The following SORCS1 variants were observed in gnomAD, a reference collection of about 807,000 sequenced individuals.
The protein encoded by SORCS1 is sortilin related VPS10 domain containing receptor 1.
Under a neutral mutation model 146.1 loss-of-function variants are expected in SORCS1, and 60 were observed. That is an observed-to-expected ratio of 0.41 (90% confidence interval 0.33 to 0.51). SORCS1 has a LOEUF of 0.51. SORCS1 is among the 20% of genes least tolerant of loss of function. The pLI is 0.21. For synonymous variants in SORCS1, 637 were observed against 584.0 expected, an observed-to-expected ratio of 1.09 and a Z score of -1.31; for missense variants, 1,352 against 1,487.6, an observed-to-expected ratio of 0.91 and a Z score of 1.50.
chr10:106,628,297 T>C (rs112147733), intron 19 of SORCS1, among the ~76,000 whole-genome samples: 46 of 152,222 alleles, frequency 3.0e-4, no homozygotes, highest in Non-Finnish European at 5.4e-4. Context: ...AATGTTCTAA[T>C]TGATACTTTC....
At chr10:106,909,112 C>T (rs1952032624) in intron 2 of SORCS1, among the ~76,000 whole-genome samples, 1 of 152,202 alleles carries the variant, frequency 6.6e-6, no homozygotes, top group African/African-American at 2.4e-5. Flanking sequence ...CCTTCTCCTT[C>T]ACTGGGTGTG....
intron 8 of SORCS1, 64 bp from the exon 9 acceptor site, chr10:106,699,457 C>A (rs1853966477): frequency 2.8e-6 from 4 of 1,442,218 alleles, no homozygotes; most frequent in Non-Finnish European, 3.7e-6. Context: ...TGGCAGGCAT[C>A]CAAAGAGTGT....
At chr10:106,585,729 A>G (rs1845192722) in intron 24 of SORCS1, among the ~76,000 whole-genome samples, 1 of 152,220 alleles carries the variant, frequency 6.6e-6, no homozygotes, top group Non-Finnish European at 1.5e-5. Flanking sequence ...ATGCAATGGA[A>G]GCAATGGTGT....
At chr10:107,039,765 G>T (rs10884404) in intron 1 of SORCS1, among the ~76,000 whole-genome samples, 39,090 of 152,026 alleles carry the variant, frequency 0.26, 5,348 homozygotes, top group Middle Eastern at 0.43. Flanking sequence ...CACAATAACC[G>T]AAGGTTAAAT....
intron 6 of SORCS1, among the ~76,000 whole-genome samples, chr10:106,712,574 G>A (rs1428107828): frequency 6.6e-6 from 1 of 152,140 alleles, no homozygotes; most frequent in African/African-American, 2.4e-5. Context: ...ATTAAAGGAG[G>A]ATGCCAATAT....
intron 3 of SORCS1, among the ~76,000 whole-genome samples, chr10:106,782,498 C>T (rs1007900772): frequency 2.6e-5 from 4 of 152,156 alleles, no homozygotes; most frequent in Non-Finnish European, 5.9e-5. Context: ...GGAGACCCAA[C>T]CCATTAATTA....
intron 1 of SORCS1, among the ~76,000 whole-genome samples, chr10:107,041,549 A>G (rs1044896436): frequency 2.0e-5 from 3 of 152,172 alleles, no homozygotes; most frequent in African/African-American, 7.2e-5. Context: ...AGTCAGTTTT[A>G]GTCCCACATG....
intron 8 of SORCS1, among the ~76,000 whole-genome samples, chr10:106,704,281 T>C (rs1442796537): frequency 6.6e-6 from 1 of 152,202 alleles, no homozygotes; most frequent in Non-Finnish European, 1.5e-5. Flanking sequence ...AAGCTATTAA[T>C]TTACTAAGAA....
chr10:106,651,006 C>T lies in SORCS1; in HGVS notation c.2475+1376G>A, dbSNP rs189526077. 2.3e-3 allele frequency among the ~76,000 whole-genome samples: 348 copies of T among 152,230 alleles called. 5 individuals carry two copies. The highest frequency in any genetic ancestry group is 8.1e-3 in the African/African-American group (337 of 41,540). On this transcript the variant is annotated intron_variant, in intron 18 of 25. Coordinates refer to ENST00000263054, the MANE Select transcript of SORCS1 (RefSeq NM_052918.5). ...TTATTTATGTGAAATATGAGCAACTCCAATTTGCCTAAATTGGCCTGTGTT... is the reference window on the plus strand; with the variant it reads ...TTATTTATGTGAAATATGAGCAACTTCAATTTGCCTAAATTGGCCTGTGTT...
intron 1 of SORCS1, among the ~76,000 whole-genome samples, chr10:106,976,670 T>C (rs1243309053): frequency 1.3e-5 from 2 of 152,058 alleles, no homozygotes; most frequent in East Asian, 1.9e-4. Context: ...CATTAGGTAT[T>C]TGTCCTAATG....
At chr10:106,875,792 T>C (rs1950570272) in intron 2 of SORCS1, among the ~76,000 whole-genome samples, 1 of 152,194 alleles carries the variant, frequency 6.6e-6, no homozygotes, top group Admixed American at 6.5e-5. Context: ...GCCCACTTTT[T>C]GATGGTATTA....
intron 2 of SORCS1, among the ~76,000 whole-genome samples, chr10:106,857,155 G>GAGAA (rs1356269309): frequency 3.3e-5 from 5 of 152,164 alleles, no homozygotes; most frequent in African/African-American, 1.2e-4. Flanking sequence ...GGACAGTGCT[G>GAGAA]GCACAATCAG....
chr10:106,972,853 A>G (rs11592355), intron 1 of SORCS1, among the ~76,000 whole-genome samples: 220 of 152,280 alleles, frequency 1.4e-3, no homozygotes, highest in Non-Finnish European at 2.6e-3. Flanking sequence ...ATTCTATAGC[A>G]ATGGGGAGAT....
rs554819565 is a variant in SORCS1, at chr10:107,038,485, A to G, written c.559-81905T>C. 5.1e-4 allele frequency among the ~76,000 whole-genome samples: 77 copies of G among 152,200 alleles called. No homozygotes were observed. The Middle Eastern group carries it at 0.027, about 54-fold the overall frequency. On this transcript the variant is annotated intron_variant, in intron 1 of 25. Transcript: ENST00000263054. ...CAGCACACCAACATGGCACATGTAT[A>G]CATATGTAACAAACCTGCACATTGT...
Position 106,611,999 on chromosome 10 carries a change from G to A in SORCS1, c.2945C>T (p.Ser982Phe). ...GTAGTCATCCAGGTTTGGAGAAAAG[G>A]ACAAGCGAAGAGACCGGAATTCCTC... Reference protein sequence around the residue: ...VYEEFRSLRLSFSPNLDDYNP... With the variant: ...VYEEFRSLRLFFSPNLDDYNP... Residue 982 changes from serine (S) to phenylalanine (F), a missense_variant, in exon 22 of 26, where the codon TCC becomes TTC. Ser to Phe is a radical substitution (Grantham distance 155). Around this residue, in one of 3 missense-constraint regions of SORCS1, gnomAD observed 648 missense variants for 793.8 expected, o/e 0.82. Coordinates refer to ENST00000263054, the MANE Select transcript of SORCS1 (RefSeq NM_052918.5). The A allele has an allele frequency of 6.2e-7, 1 of 1,614,080 alleles. No individual in the cohort carries two copies. The highest frequency in any genetic ancestry group is 8.5e-7 in the Non-Finnish European group (1 of 1,179,958).
At chr10:106,726,631 C>T (rs951682983) in intron 6 of SORCS1, among the ~76,000 whole-genome samples, 5 of 152,164 alleles carry the variant, frequency 3.3e-5, no homozygotes, top group African/African-American at 9.6e-5. Context: ...ATGAAAGCAA[C>T]CCGGGATGCT....
intron 3 of SORCS1, among the ~76,000 whole-genome samples, chr10:106,780,364 G>A (rs1488219339): frequency 6.6e-6 from 1 of 152,176 alleles, no homozygotes; most frequent in Non-Finnish European, 1.5e-5. Flanking sequence ...AACAAATAAT[G>A]TTTTGTTGTG....
intron 1 of SORCS1, among the ~76,000 whole-genome samples, chr10:107,161,866 T>C (rs1406639853): frequency 6.6e-6 from 1 of 152,198 alleles, no homozygotes; most frequent in Non-Finnish European, 1.5e-5. Context: ...GAAACACCTT[T>C]GTGTGTGATG....
intron 1 of SORCS1, among the ~76,000 whole-genome samples, chr10:107,010,374 G>A (rs1957645491): frequency 6.6e-6 from 1 of 152,154 alleles, no homozygotes; most frequent in Non-Finnish European, 1.5e-5. Flanking sequence ...TCCCAGCCAT[G>A]CTTAATCATG....
Sources: gnomAD v4.1 joint callset for allele counts (sites outside exome capture counted in the v4.1 genomes callset) on GRCh38, gnomAD v4.1.1 for gene constraint, gnomAD v4.1.1 regional missense constraint, MANE v1.5 for transcripts, NCBI Gene and HGNC (gene_info 2026-07-23, HGNC 2026-07-21) for gene names.